NBN: variants seen among roughly 807,000 people sequenced by gnomAD.
NBN encodes the protein nibrin.
NBN carries 88 observed loss-of-function variants against 90.8 expected under a neutral mutation model. The observed-to-expected ratio is 0.97, with a 90% CI of 0.82 to 1.16. The LOEUF is 1.16. Ranked by LOEUF, NBN falls within the 50% of genes most tolerant of loss-of-function variation. The pLI is 0.00. For synonymous variants in NBN, 328 were observed against 295.1 expected (o/e 1.11, Z -1.14); for missense variants, 894 against 869.6 (o/e 1.03, Z -0.35).
chr8:89,948,144 A>G (rs2129662692), intron 11 of NBN, among the ~76,000 whole-genome samples: 1 of 152,344 alleles, frequency 6.6e-6, no homozygotes, highest in African/African-American at 2.4e-5. Context: ...AAATCCATAT[A>G]AATCACATGC....
At chr8:89,964,378 C>T (rs763072928) in intron 8 of NBN, 32 bp downstream of exon 8, 21 of 1,610,912 alleles carry the variant, frequency 1.3e-5, no homozygotes, top group Non-Finnish European at 1.8e-5. Flanking sequence ...AATAAAGTTG[C>T]TAACGAATCA....
Position 89,973,128 on chromosome 8 carries a change from C to T in NBN, c.585-1838G>A, listed in dbSNP as rs145469843. 2.1e-3 allele frequency among the ~76,000 whole-genome samples: 320 copies of T among 152,324 alleles called. 2 individuals are homozygous for T. The highest frequency in any genetic ancestry group is 7.0e-3 in the African/African-American group (292 of 41,572). The stretch of plus-strand genomic sequence containing the variant: ...GTCATTCTTTAACAGCTGGCTTCTC[C>T]ACTAAGTGCCATGAGGGCAGAAACT... On this transcript the variant is annotated intron_variant, in intron 5 of 15. Coordinates refer to ENST00000265433, the MANE Select transcript of NBN (RefSeq NM_002485.5).
At chr8:89,983,362 A>C (rs1812166101) in intron 1 of NBN, among the ~76,000 whole-genome samples, 1 of 151,678 alleles carries the variant, frequency 6.6e-6, no homozygotes, top group Admixed American at 6.6e-5. Flanking sequence ...AACCCAGGGG[A>C]TGGAGGTTGC....
At position 89,984,634 on chromosome 8, in the gene NBN, C is replaced by A. The variant is rs72563786; in HGVS notation, c.-73G>T. 1.1e-4 allele frequency: 181 copies of A among 1,588,530 alleles called. 1 individual carries two copies. In the African/African-American group the frequency reaches 1.9e-3, roughly 17 times the overall value. On this transcript the variant is annotated 5_prime_UTR_variant, in exon 1 of 16. Coordinates refer to ENST00000265433, the MANE Select transcript of NBN (RefSeq NM_002485.5). ...GGCTGCTAGACGAGCGCGGATACGG[C>A]GCCTGCGGTCGGCATGGGCTCCGGG... is the stretch of plus-strand genomic sequence containing the variant.
rs876660243 is a variant in NBN, at chr8:89,982,735, G to A, written c.158C>T (p.Ser53Phe). 1 of 1,613,952 alleles carries A rather than the reference G, an allele frequency of 6.2e-7. No homozygotes were observed. The highest frequency in any genetic ancestry group is 8.5e-7 in the Non-Finnish European group (1 of 1,179,886). ...TTAGTAACATACCAGGTTGGTTACA[G>A]AAAAGTTAGCAGTTAACACAGCATG... Reference protein sequence around the residue: ...RNHAVLTANFSVTNLSQTDEI... With the variant: ...RNHAVLTANFFVTNLSQTDEI... The change falls in exon 2 of 16, where the codon TCT (serine) becomes TTT (phenylalanine). Residue 53 changes from serine (S) to phenylalanine (F), a missense_variant. Transcript: ENST00000265433.
intron 10 of NBN, 27 bp from the exon 11 acceptor site, chr8:89,953,718 C>A: frequency 6.4e-7 from 1 of 1,561,852 alleles, no homozygotes; most frequent in African/African-American, 1.4e-5. Flanking sequence ...AAGAAGAAAA[C>A]AAAACAAGAA....
chr8:89,956,304 A>C (rs1223714006), intron 9 of NBN, among the ~76,000 whole-genome samples: 1 of 152,054 alleles, frequency 6.6e-6, no homozygotes, highest in African/African-American at 2.4e-5. Context: ...TGAGTGTAGC[A>C]AAAATTAAAA....
chr8:89,984,462 G>A (rs1318689057), intron 1 of NBN, 63 bp downstream of exon 1: 4 of 1,489,512 alleles, frequency 2.7e-6, no homozygotes, highest in Non-Finnish European at 3.7e-6. Flanking sequence ...ATCACCCGCA[G>A]GCCCTCCCCC....
chr8:89,933,414 TA>T lies in NBN; in HGVS notation c.*2167del. 4.4e-6 allele frequency: 1 copy of T among 227,504 alleles called. No homozygotes were observed. The highest frequency in any genetic ancestry group is 6.4e-5 in the East Asian group (1 of 15,714). The allele number at this position is 227,504 out of a possible 1,614,324, so 14.1% of individuals were successfully genotyped here. A position where few individuals can be genotyped will look rare whatever the true frequency, so the allele number is the denominator to read the frequency against. On this transcript the variant is annotated 3_prime_UTR_variant, in exon 16 of 16. Transcript: ENST00000265433. ...GCTACAGTAATTCAAGGCAGTATGGTATGAGTGAGTGCAAGGATGGACAAAC... is the reference window on the plus strand; with the variant it reads ...GCTACAGTAATTCAAGGCAGTATGGTTGAGTGAGTGCAAGGATGGACAAAC...
chr8:89,958,534 G>A (rs7818042), intron 9 of NBN, among the ~76,000 whole-genome samples, 191 bp downstream of exon 9: 7 of 152,260 alleles, frequency 4.6e-5, no homozygotes, highest in East Asian at 1.9e-4. Context: ...CTTCAAAGCC[G>A]AAAATAACTA....
At chr8:89,952,087 C>T (rs1365355552) in intron 11 of NBN, among the ~76,000 whole-genome samples, 1 of 152,108 alleles carries the variant, frequency 6.6e-6, no homozygotes, top group Non-Finnish European at 1.5e-5. Context: ...CTGGAGGTAT[C>T]CTCTCAAAGA....
At position 89,942,413 on chromosome 8, in the gene NBN, C is replaced by T. The variant is rs538919851; in HGVS notation, c.2184+840G>A. 2.0e-5 allele frequency among the ~76,000 whole-genome samples: 3 copies of T among 152,174 alleles called. No individual in the cohort carries two copies. In the South Asian group the frequency reaches 6.2e-4, roughly 32 times the overall value. On this transcript the variant is annotated intron_variant, in intron 14 of 15. Coordinates refer to ENST00000265433, the MANE Select transcript of NBN (RefSeq NM_002485.5). ...CTTTTCTAGAGGAAATACATCTGAA[C>T]TTAATACTCAAGAAAACCCTACAGA...
intron 7 of NBN, among the ~76,000 whole-genome samples, chr8:89,967,266 T>C (rs1034528049): frequency 1.3e-5 from 2 of 152,174 alleles, no homozygotes; most frequent in Non-Finnish European, 2.9e-5. Flanking sequence ...AATGGAATAG[T>C]GTCCTATCCA....
chr8:89,937,427 G>A, intron 14 of NBN: 1 of 267,314 alleles, frequency 3.7e-6, no homozygotes, highest in South Asian at 4.2e-5. Context: ...AGACTAAGAG[G>A]GCAACATTTA....
rs1057522006 is a variant in NBN, at chr8:89,984,599, G to C, written c.-38C>G. 1.2e-6 allele frequency: 2 copies of C among 1,610,852 alleles called. No individual in the cohort carries two copies. The highest frequency in any genetic ancestry group is 1.7e-6 in the Non-Finnish European group (2 of 1,179,010). On this transcript the variant is annotated 5_prime_UTR_variant, in exon 1 of 16. Coordinates refer to ENST00000265433, the MANE Select transcript of NBN (RefSeq NM_002485.5). ...TCAGGGCTGGGGCCGACGTGCAACC[G>C]CGTAACCGGGGCTGCTAGACGAGCG...
At chr8:89,960,122 A>C (rs1045824508) in intron 8 of NBN, among the ~76,000 whole-genome samples, 5 of 152,228 alleles carry the variant, frequency 3.3e-5, no homozygotes, top group African/African-American at 1.2e-4. Context: ...TTTTAAGTTG[A>C]TATTTACTAA....
chr8:89,982,773 C>G lies in NBN; in HGVS notation c.120G>C (p.Ser40=), dbSNP rs774989816. ...TTAACACAGCATGATTTCGGCTGAT[C>G]GACTGATCATTTTCAATCAGAATGG... ...NCAILIENDQ[S]ISRNHAVLTA... is the part of the protein sequence containing the mutation. The change falls in exon 2 of 16, where the codon TCG becomes TCC. Residue 40 remains serine (S), a synonymous_variant. Transcript: ENST00000265433. 6.2e-7 allele frequency: 1 copy of G among 1,613,862 alleles called. No homozygotes were observed. The highest frequency in any genetic ancestry group is 2.2e-5 in the East Asian group (1 of 44,842).
At chr8:89,979,546 G>GTT (rs149739701) in intron 4 of NBN, among the ~76,000 whole-genome samples, 4,579 of 151,868 alleles carry the variant, frequency 0.03, 230 homozygotes, top group African/African-American at 0.1. Flanking sequence ...TGTTGTTGTT[G>GTT]TTTTTAAGTA....
chr8:89,958,917 C>T lies in NBN; in HGVS notation c.995-63G>A, dbSNP rs1255442779. On this transcript the variant is annotated intron_variant, in intron 8 of 15. Coordinates refer to ENST00000265433, the MANE Select transcript of NBN (RefSeq NM_002485.5). ...GCTAGATAGAAGATGAACATCTGGT[C>T]ACTTAAAATTGTTAGACTATACCAT... 3.8e-6 allele frequency: 6 copies of T among 1,594,700 alleles called. No homozygotes were observed. In the East Asian group the frequency reaches 1.3e-4, roughly 36 times the overall value.
Sources: gnomAD v4.1 joint callset for allele counts (sites outside exome capture counted in the v4.1 genomes callset) on GRCh38, gnomAD v4.1.1 for gene constraint, MANE v1.5 for transcripts, NCBI Gene and HGNC (gene_info 2026-07-23, HGNC 2026-07-21) for gene names.